Variants in ITIH6 observed in about 807,000 individuals in gnomAD.
The protein encoded by ITIH6 is inter-alpha-trypsin inhibitor heavy chain H6.
A neutral mutation model predicts 58.2 loss-of-function variants in ITIH6; 60 were observed. The ratio of observed to expected loss-of-function variants is 1.03; its 90% CI spans 0.84 to 1.28. The LOEUF (loss-of-function observed/expected upper bound fraction) is 1.28, where lower values mean the gene tolerates loss of function less well. Ranked by LOEUF, ITIH6 falls within the 50% of genes most tolerant of loss-of-function variation. The pLI, the probability that ITIH6 is intolerant of heterozygous loss-of-function variation, is 0.00. For missense variants in ITIH6, 1,290 were observed against 1,021.1 expected (o/e 1.26, Z -3.59); for synonymous variants, 493 against 417.4 (o/e 1.18, Z -2.21).
At chrX:54,770,399 C>T (rs1471048030) in intron 6 of ITIH6, among the ~76,000 whole-genome samples, 2 of 112,923 alleles carry the variant, frequency 1.8e-5, no homozygotes, top group African/African-American at 6.4e-5. Flanking sequence ...ATCTTGGCTC[C>T]TCCCCTTAAA....
intron 4 of ITIH6, among the ~76,000 whole-genome samples, 183 bp downstream of exon 4, chrX:54,790,654 C>T (rs915381819): frequency 9.0e-5 from 10 of 111,689 alleles, no homozygotes; most frequent in Non-Finnish European, 1.1e-4. Context: ...CTGTAAGGAC[C>T]AGGCCAAGGT....
chrX:54,795,590 G>C (rs1929426669), intron 2 of ITIH6, among the ~76,000 whole-genome samples: 1 of 111,838 alleles, frequency 8.9e-6, no homozygotes, highest in African/African-American at 3.3e-5. Context: ...TGACAGTACA[G>C]TGACACAGAA....
At chrX:54,797,360 G>A (rs750030401) in intron 1 of ITIH6, among the ~76,000 whole-genome samples, 1 of 111,858 alleles carries the variant, frequency 8.9e-6, no homozygotes, top group Non-Finnish European at 1.9e-5. Flanking sequence ...CTCTAACTTT[G>A]ATGTGCACAT....
At chrX:54,769,544 C>T (rs1469811337) in intron 6 of ITIH6, among the ~76,000 whole-genome samples, 1 of 106,580 alleles carries the variant, frequency 9.4e-6, no homozygotes, top group African/African-American at 3.5e-5. Context: ...TGGTGATGTA[C>T]AGATGGGTTT....
chrX:54,749,526 G>T lies in ITIH6; in HGVS notation c.*369C>A. ...CATGCAATGGTCCAGTGGTAGGAGT[G>T]AGCATGGTTTGTTAGGGAAACTCTG... On this transcript the variant is annotated 3_prime_UTR_variant, in exon 13 of 13. Transcript: ENST00000218436. 6.1e-6 allele frequency: 1 copy of T among 163,172 alleles called. No homozygotes were observed. The highest frequency in any genetic ancestry group is 1.2e-5 in the Non-Finnish European group (1 of 85,725). 13.4% of individuals were successfully genotyped at this position (163,172 alleles called of 1,213,427 possible). A position where few individuals can be genotyped will look rare whatever the true frequency, so the allele number is the denominator to read the frequency against.
At position 54,753,634 on chromosome X, in the gene ITIH6, G is replaced by A; in HGVS notation, c.3352+17C>T. 1.7e-6 allele frequency: 2 copies of A among 1,144,508 alleles called. No individual in the cohort carries two copies. The highest frequency in any genetic ancestry group is 1.8e-5 in the South Asian group (1 of 55,444). The allele number at this position is 1,144,508 out of a possible 1,213,427, so 94.3% of individuals were successfully genotyped here. ...TCCAGCTTTGGTGTATGGTGATGGA[G>A]TTCTTGGGGCTCTTACCTGCCTTTG... On this transcript the variant is annotated intron_variant, in intron 11 of 12. Transcript: ENST00000218436.
intron 6 of ITIH6, among the ~76,000 whole-genome samples, chrX:54,762,339 C>A (rs752271314): frequency 9.0e-6 from 1 of 111,519 alleles, no homozygotes; most frequent in East Asian, 2.8e-4. Context: ...AGATTTTGGG[C>A]TAAGACAATG....
chrX:54,753,704 G>A lies in ITIH6; in HGVS notation c.3299C>T (p.Thr1100Ile), dbSNP rs1203791172. ...CAAGTCCCCAGGGTGCCCATTCAGTGTGAAGCAGATCTTCTCTTCTGAGTG... is the reference window on the plus strand; with the variant it reads ...CAAGTCCCCAGGGTGCCCATTCAGTATGAAGCAGATCTTCTCTTCTGAGTG... ...IPHSEEKICF[T>I]LNGHPGDLLQ... The change falls in exon 11 of 13, where the codon ACA becomes ATA. Residue 1100 changes from threonine to isoleucine, a missense_variant. Physicochemically the swap from Thr to Ile is moderately conservative, Grantham distance 89 (BLOSUM62 -1). Coordinates refer to ENST00000218436, the MANE Select transcript of ITIH6 (RefSeq NM_198510.3). 8.3e-7 allele frequency: 1 copy of A among 1,209,542 alleles called. No homozygotes were observed. The highest frequency in any genetic ancestry group is 2.2e-5 in the Admixed American group (1 of 45,700).
intron 11 of ITIH6, 135 bp downstream of exon 11, chrX:54,753,516 G>A: frequency 2.2e-6 from 1 of 452,942 alleles, no homozygotes; most frequent in South Asian, 3.5e-5. Context: ...GTGTCTTGGT[G>A]TGTTCTTGTG....
chrX:54,753,964 G>A lies in ITIH6; in HGVS notation c.3204C>T (p.Gly1068=). 1 of 1,207,939 alleles carries A rather than the reference G, an allele frequency of 8.3e-7. No homozygotes were observed. ...AGAAGGTGAAGATGCTAGGCAATGT[G>A]CCTGCAAAGGAGAGAGAGACTGTGT... ...SQGSSVGLAK[G]TLPSIFTFSS... The change falls in exon 10 of 13, where the codon GGC becomes GGT. Residue 1068 remains glycine (G), a splice_region_variant and synonymous_variant. Coordinates refer to ENST00000218436, the MANE Select transcript of ITIH6 (RefSeq NM_198510.3).
At position 54,757,779 on chromosome X, in the gene ITIH6, A is replaced by G. The variant is rs1284778504; in HGVS notation, c.2295T>C (p.Pro765=). 3 of 1,211,544 alleles carry G rather than the reference A, an allele frequency of 2.5e-6. No homozygotes were observed. Among genetic ancestry groups the G allele is most frequent in the Admixed American group, 2.2e-5 (1 of 46,029 alleles). Residue 765 remains proline, a synonymous_variant, in exon 8 of 13, where the codon CCT becomes CCC. Coordinates refer to ENST00000218436, the MANE Select transcript of ITIH6 (RefSeq NM_198510.3). ...CAGCTTTGGGCGAGGCTGGGATGCC[A>G]GGTTTCACAGGTGGGACTTGTGTCC... ...NSRTQVPPVK[P]GIPASPKADT...
intron 9 of ITIH6, among the ~76,000 whole-genome samples, chrX:54,754,602 A>T (rs954864320): frequency 9.0e-6 from 1 of 111,465 alleles, no homozygotes; most frequent in African/African-American, 3.3e-5. Context: ...AATGCAGGAG[A>T]TTTCTAGGTA....
In ITIH6 at chrX:54,749,910, G is replaced by C. The variant is rs1928316809; in HGVS notation, c.3927C>G (p.Leu1309=). Residue 1309 remains leucine, a synonymous_variant, in exon 13 of 13, where the codon CTC becomes CTG. Transcript: ENST00000218436. ...TCAGAAGCCATCACAGGACATAGGA[G>C]AGGTAGGGGTGGCCCAGAAGCAGCT... ...HVELLLGHPY[L]SYVL 7 of 1,208,266 alleles carry C rather than the reference G, an allele frequency of 5.8e-6. No homozygotes were observed. In the East Asian group the frequency reaches 2.1e-4, roughly 36 times the overall value.
intron 6 of ITIH6, among the ~76,000 whole-genome samples, chrX:54,766,181 T>G (rs1225621523): frequency 9.0e-6 from 1 of 110,690 alleles, no homozygotes; most frequent in African/African-American, 3.3e-5. Context: ...ACTCATGATT[T>G]GGCTCTCTGT....
intron 5 of ITIH6, among the ~76,000 whole-genome samples, chrX:54,779,175 A>G (rs1929106024): frequency 8.9e-6 from 1 of 112,355 alleles, no homozygotes; most frequent in Non-Finnish European, 1.9e-5. Flanking sequence ...TTACTGAGCA[A>G]TAAATAATCA....
chrX:54,780,768 C>G (rs1405958518), intron 5 of ITIH6, among the ~76,000 whole-genome samples: 1 of 109,677 alleles, frequency 9.1e-6, no homozygotes, highest in Admixed American at 9.7e-5. Context: ...AACCTTTACC[C>G]CGACTAGTTA....
intron 2 of ITIH6, among the ~76,000 whole-genome samples, chrX:54,795,456 T>C (rs754823193): frequency 8.9e-6 from 1 of 111,760 alleles, no homozygotes; most frequent in African/African-American, 3.3e-5. Context: ...ACACATAAGA[T>C]GGTTTGGAGA....
chrX:54,770,142 T>C (rs1170422403), intron 6 of ITIH6, among the ~76,000 whole-genome samples: 1 of 112,427 alleles, frequency 8.9e-6, no homozygotes, highest in Non-Finnish European at 1.9e-5. Context: ...ACCCGATTTT[T>C]CAGGTGCGTC....
chrX:54,757,155 G>A lies in ITIH6; in HGVS notation c.2919C>T (p.Ser973=). 8.3e-7 allele frequency: 1 copy of A among 1,210,921 alleles called. No homozygotes were observed. The highest frequency in any genetic ancestry group is 1.1e-6 in the Non-Finnish European group (1 of 895,144). Residue 973 remains serine, a synonymous_variant, in exon 8 of 13, where the codon TCC becomes TCT. Transcript: ENST00000218436. The part of the protein sequence containing the change: ...GVPTMSLLNS[S]RPTPEGSPPN... ...GAGGGCTGCCTTCTGGTGTAGGCCT[G>A]GAGCTGTTGAGTAGGCTCATTGTTG...
Sources: gnomAD v4.1 joint callset for allele counts (sites outside exome capture counted in the v4.1 genomes callset) on GRCh38, gnomAD v4.1.1 for gene constraint, MANE v1.5 for transcripts, NCBI Gene and HGNC (gene_info 2026-07-23, HGNC 2026-07-21) for gene names.